TECPR2: variants seen among roughly 807,000 people sequenced by gnomAD.
TECPR2 encodes tectonin beta-propeller repeat containing 2, also known as tectonin beta-propeller repeat-containing protein 2.
In TECPR2, 65 loss-of-function variants were observed where a neutral mutation model predicts 138.1. That is an observed-to-expected ratio of 0.47 (90% confidence interval 0.39 to 0.58). The LOEUF is 0.58. TECPR2 is among the 20% of genes least tolerant of loss of function. The pLI is 0.00. For missense variants in TECPR2, 1,553 were observed against 1,824.5 expected, an observed-to-expected ratio of 0.85 and a Z score of 2.71; for synonymous variants, 746 against 749.8, an observed-to-expected ratio of 0.99 and a Z score of 0.08.
chr14:102,458,864 A>G (rs1310406047), intron 16 of TECPR2, among the ~76,000 whole-genome samples: 42 of 151,198 alleles, frequency 2.8e-4, no homozygotes, highest in Admixed American at 2.6e-3. Flanking sequence ...TGTCCTAGCT[A>G]CTTGGGAGGC....
chr14:102,393,802 C>T (rs1416340731), intron 2 of TECPR2, among the ~76,000 whole-genome samples: 1 of 152,124 alleles, frequency 6.6e-6, no homozygotes, highest in Non-Finnish European at 1.5e-5. Context: ...TCAAATGATC[C>T]ACCCGCCTCG....
rs1278796829 is a variant in TECPR2, at chr14:102,498,222, C to T, written c.4201C>T (p.Pro1401Ser). Residue 1401 changes from proline (P) to serine (S), a missense_variant, in exon 20 of 20, where the codon CCT (proline) becomes TCT (serine). By Grantham distance (74) the Pro-to-Ser change is moderately conservative. Coordinates refer to ENST00000359520, the MANE Select transcript of TECPR2 (RefSeq NM_014844.5). ...GAGCAGCCAGGCCGCCATGCCCCACCCTGAGGACCTGGAGGACGAGTGGGA... is the reference window on the plus strand; with the variant it reads ...GAGCAGCCAGGCCGCCATGCCCCACTCTGAGGACCTGGAGGACGAGTGGGA... ...QKSSQAAMPH[P>S]EDLEDEWEVI 12 of 1,605,944 alleles carry T rather than the reference C, an allele frequency of 7.5e-6. No homozygotes were observed. The highest frequency in any genetic ancestry group is 1.0e-5 in the Non-Finnish European group (12 of 1,179,960).
chr14:102,476,268 G>A (rs1176793510), intron 17 of TECPR2, among the ~76,000 whole-genome samples: 4 of 147,924 alleles, frequency 2.7e-5, no homozygotes, highest in African/African-American at 1.0e-4. Flanking sequence ...GTGGTGGCTC[G>A]TGCCTGCAAT....
rs1316960861 is a variant in TECPR2, at chr14:102,419,390, CA to C, written c.638+4598del. 8.5e-5 allele frequency among the ~76,000 whole-genome samples: 13 copies of C among 152,150 alleles called. No homozygotes were observed. The East Asian group carries it at 1.9e-3, about 23-fold the overall frequency. On this transcript the variant is annotated intron_variant, in intron 5 of 19. Transcript: ENST00000359520. The surrounding 1 kb of genome is among the most constrained non-coding windows in gnomAD (Gnocchi z 4.8). ...CAAAGAAAGACAAATAGGTGGTGCCCAGGGGGGAACCATGTGGCCTGGTGGG... is the reference window on the plus strand; with the variant it reads ...CAAAGAAAGACAAATAGGTGGTGCCCGGGGGGAACCATGTGGCCTGGTGGG...
chr14:102,369,625 C>T (rs1416539572), intron 1 of TECPR2, among the ~76,000 whole-genome samples: 1 of 151,926 alleles, frequency 6.6e-6, no homozygotes, highest in East Asian at 1.9e-4. Context: ...AGAGTTTTGT[C>T]ATGTTGCCCA....
chr14:102,368,840 C>T (rs1369385537), intron 1 of TECPR2, among the ~76,000 whole-genome samples: 1 of 151,958 alleles, frequency 6.6e-6, no homozygotes, highest in East Asian at 1.9e-4. Context: ...TGAGGAGGCG[C>T]CAGGCTTGAG....
At chr14:102,418,242 C>T (rs937771091) in intron 5 of TECPR2, among the ~76,000 whole-genome samples, 5 of 152,166 alleles carry the variant, frequency 3.3e-5, no homozygotes, top group African/African-American at 1.2e-4. Context: ...GTTCATTCAG[C>T]GCTGGAGCTT....
rs778647727 is a variant in TECPR2, at chr14:102,443,740, C to T, written c.2846C>T (p.Ala949Val). The T allele has an allele frequency of 2.5e-6, 4 of 1,612,776 alleles. No homozygotes were observed. The highest frequency in any genetic ancestry group is 2.2e-5 in the East Asian group (1 of 44,862). Residue 949 changes from alanine (A) to valine (V), a missense_variant, in exon 12 of 20, where the codon GCG (alanine) becomes GTG (valine). Coordinates refer to ENST00000359520, the MANE Select transcript of TECPR2 (RefSeq NM_014844.5). The surrounding 1 kb of genome is among the most constrained non-coding windows in gnomAD (Gnocchi z 4.9). ...ACAGCCCGGAACAATGTGGTGTGGGCGCTGACAGAGCAGAGGGCCCTCCTG... is the reference window on the plus strand; with the variant it reads ...ACAGCCCGGAACAATGTGGTGTGGGTGCTGACAGAGCAGAGGGCCCTCCTG... ...QITARNNVVW[A>V]LTEQRALLYR...
At chr14:102,372,595 T>A (rs1317467852) in intron 1 of TECPR2, among the ~76,000 whole-genome samples, 1 of 152,068 alleles carries the variant, frequency 6.6e-6, no homozygotes. Context: ...ATTAACAAAT[T>A]TTTGAGGCCG....
intron 17 of TECPR2, among the ~76,000 whole-genome samples, chr14:102,470,468 C>T (rs575036744): frequency 1.3e-5 from 2 of 151,914 alleles, no homozygotes; most frequent in South Asian, 4.2e-4. Flanking sequence ...CCACCACACG[C>T]AGCTAATTTT....
At chr14:102,402,517 C>A (rs1185265478) in intron 2 of TECPR2, among the ~76,000 whole-genome samples, 1 of 151,758 alleles carries the variant, frequency 6.6e-6, no homozygotes, top group East Asian at 1.9e-4. Context: ...AAACTCAAAA[C>A]TAGCAGAAGG....
In TECPR2 at chr14:102,362,993, T is replaced by C; in HGVS notation, c.-196T>C. 1.7e-6 allele frequency: 2 copies of C among 1,152,306 alleles called. No individual in the cohort carries two copies. The highest frequency in any genetic ancestry group is 2.5e-6 in the Non-Finnish European group (2 of 803,088). 71.4% of individuals were successfully genotyped at this position (1,152,306 alleles called of 1,614,324 possible). ...GGCGGAGCCAGCTGCTGCTCTTCGG[T>C]GCTGGCCCCGGTGCCGGCCCCGTTG... On this transcript the variant is annotated 5_prime_UTR_variant, in exon 1 of 20. Transcript: ENST00000359520.
intron 2 of TECPR2, among the ~76,000 whole-genome samples, chr14:102,406,726 C>T (rs1057373369): frequency 2.0e-5 from 3 of 152,136 alleles, no homozygotes; most frequent in African/African-American, 7.2e-5. Flanking sequence ...GTGGGGCACA[C>T]GTCTGTAGTC....
At position 102,500,129 on chromosome 14, in the gene TECPR2, A is replaced by G. The variant is rs1891404707; in HGVS notation, c.*1872A>G. On this transcript the variant is annotated 3_prime_UTR_variant, in exon 20 of 20. Transcript: ENST00000359520. ...TTGTACAGTTTTCTTTCTGGTTTTA[A>G]TTTTTAGTTGTGCTTTGAGTCAGTG... 6.6e-6 allele frequency: 1 copy of G among 152,670 alleles called. No homozygotes were observed. The highest frequency in any genetic ancestry group is 1.5e-5 in the Non-Finnish European group (1 of 68,062). 9.5% of individuals were successfully genotyped at this position (152,670 alleles called of 1,614,324 possible).
At chr14:102,370,150 G>A (rs918600182) in intron 1 of TECPR2, among the ~76,000 whole-genome samples, 4 of 151,784 alleles carry the variant, frequency 2.6e-5, no homozygotes, top group African/African-American at 9.7e-5. Context: ...TGGTTCACTG[G>A]AACCTCTGCC....
chr14:102,389,833 G>T (rs1888118343), intron 2 of TECPR2, among the ~76,000 whole-genome samples: 1 of 152,144 alleles, frequency 6.6e-6, no homozygotes, highest in African/African-American at 2.4e-5. Context: ...TTCAACTCCA[G>T]TGGATATTCC....
In TECPR2 at chr14:102,440,548, G is replaced by T; in HGVS notation, c.2691G>T (p.Val897=). ...AAGCCCTGCCCCAGGCAGTGTTTGTGGCCCTGAGCGATGACACGGCCTGGA... is the reference window on the plus strand; with the variant it reads ...AAGCCCTGCCCCAGGCAGTGTTTGTTGCCCTGAGCGATGACACGGCCTGGA... ...WYEALPQAVF[V]ALSDDTAWII... The change falls in exon 11 of 20, where the codon GTG becomes GTT. Residue 897 remains valine, a synonymous_variant. Transcript: ENST00000359520. The T allele has an allele frequency of 6.2e-7, 1 of 1,614,216 alleles. No homozygotes were observed. The highest frequency in any genetic ancestry group is 1.1e-5 in the South Asian group (1 of 91,092).
At chr14:102,479,016 C>CAAA (rs34162369) in intron 17 of TECPR2, among the ~76,000 whole-genome samples, 2 of 102,082 alleles carry the variant, frequency 2.0e-5, no homozygotes, top group Non-Finnish European at 4.0e-5. Context: ...GGCCCTGTCT[C>CAAA]AAAAAAAAAA....
chr14:102,407,613 C>G (rs1032171608), intron 3 of TECPR2, 147 bp downstream of exon 3: 2 of 1,143,004 alleles, frequency 1.7e-6, no homozygotes, highest in African/African-American at 1.6e-5. Context: ...CCTGTAATCC[C>G]AGTACTTTGG....
Sources: gnomAD v4.1 joint callset for allele counts (sites outside exome capture counted in the v4.1 genomes callset) on GRCh38, gnomAD v4.1.1 for gene constraint, Gnocchi (gnomAD v3.1) non-coding constraint, MANE v1.5 for transcripts, NCBI Gene and HGNC (gene_info 2026-07-23, HGNC 2026-07-21) for gene names.